Variants in SLC20A1 observed in about 807,000 individuals in gnomAD.
The protein encoded by SLC20A1 is solute carrier family 20 member 1.
Under a neutral mutation model 62.7 loss-of-function variants are expected in SLC20A1, and 28 were observed. That is an observed-to-expected ratio of 0.45 (90% CI 0.33 to 0.61). SLC20A1 has a LOEUF of 0.61. Among genes scored for constraint, SLC20A1 ranks in the 20% least tolerant of loss-of-function variants. The pLI, the probability that SLC20A1 is intolerant of heterozygous loss-of-function variation, is 0.02. For missense variants in SLC20A1, 673 were observed against 838.6 expected (o/e 0.80, Z 2.44); for synonymous variants, 305 against 302.9 (o/e 1.01, Z -0.07).
intron 7 of SLC20A1, 47 bp from the exon 8 acceptor site, chr2:112,659,157 G>T: frequency 6.2e-7 from 1 of 1,605,530 alleles, no homozygotes; most frequent in Non-Finnish European, 8.5e-7. Context: ...TATTGTTTTG[G>T]ATTTGATGCT....
chr2:112,656,467 C>T (rs1022436261), intron 5 of SLC20A1, among the ~76,000 whole-genome samples: 2 of 152,154 alleles, frequency 1.3e-5, no homozygotes, highest in African/African-American at 4.8e-5. Flanking sequence ...TCCCAAAGTG[C>T]TGGGATTACA....
At chr2:112,658,268 C>T (rs1273760086) in intron 6 of SLC20A1, 1 of 152,608 alleles carries the variant, frequency 6.6e-6, no homozygotes, top group Non-Finnish European at 1.5e-5. Flanking sequence ...ATACTCTGGT[C>T]TGCCTGTGGG....
intron 5 of SLC20A1, among the ~76,000 whole-genome samples, chr2:112,656,873 G>A (rs1016899090): frequency 2.6e-5 from 4 of 152,230 alleles, no homozygotes; most frequent in African/African-American, 9.6e-5. Context: ...ATGTTGAGAA[G>A]CATAGGAACT....
At chr2:112,654,058 C>T (rs1374385072) in intron 5 of SLC20A1, among the ~76,000 whole-genome samples, 4 of 152,146 alleles carry the variant, frequency 2.6e-5, no homozygotes, top group African/African-American at 9.7e-5. Flanking sequence ...TCCCAAAGTG[C>T]TGGGATTACA....
In SLC20A1 at chr2:112,663,046, T is replaced by G; in HGVS notation, c.*21T>G. ...TGTGAAGCTGTTTGAGATTAAAATT[T>G]GTGTCAATGTTTGGGACCATCTTAG... is the stretch of plus-strand genomic sequence containing the variant. On this transcript the variant is annotated 3_prime_UTR_variant, in exon 11 of 11. Coordinates refer to ENST00000272542, the MANE Select transcript of SLC20A1 (RefSeq NM_005415.5). 6.2e-7 allele frequency: 1 copy of G among 1,613,552 alleles called. No homozygotes were observed. Among genetic ancestry groups the G allele is most frequent in the Non-Finnish European group, 8.5e-7 (1 of 1,179,556 alleles).
At chr2:112,652,484 A>G (rs1018781870) in intron 4 of SLC20A1, 4 of 574,282 alleles carry the variant, frequency 7.0e-6, no homozygotes, top group Non-Finnish European at 1.2e-5. Flanking sequence ...TAGTCTTGTT[A>G]TTAAAAGAAA....
At chr2:112,658,634 T>C in intron 6 of SLC20A1, 191 bp from the exon 7 acceptor site, 2 of 640,624 alleles carry the variant, frequency 3.1e-6, no homozygotes, top group South Asian at 2.3e-5. Context: ...GTGTTCTGCA[T>C]TGCTGGTTGT....
In SLC20A1 at chr2:112,661,767, A is replaced by C. The variant is rs139612859; in HGVS notation, c.1878+541A>C. 2.9e-3 allele frequency among the ~76,000 whole-genome samples: 445 copies of C among 152,222 alleles called. 2 individuals carry two copies. The highest frequency in any genetic ancestry group is 9.8e-3 in the African/African-American group (406 of 41,536). ...TTTCACCATGTTGGCCAAGCTGGTC[A>C]TGAACTCCTAACCTCAGGTGATCCA... On this transcript the variant is annotated intron_variant, in intron 10 of 10. Coordinates refer to ENST00000272542, the MANE Select transcript of SLC20A1 (RefSeq NM_005415.5).
In SLC20A1 at chr2:112,647,547, A is replaced by G; in HGVS notation, c.475+83A>G. 6 of 1,580,542 alleles carry G rather than the reference A, an allele frequency of 3.8e-6. 1 individual carries two copies. In the Middle Eastern group the frequency reaches 1.0e-3, roughly 265 times the overall value. On this transcript the variant is annotated intron_variant, in intron 3 of 10. Transcript: ENST00000272542. The stretch of plus-strand genomic sequence containing the variant: ...ATTAGGTATGGGAGGATGTGTTCTA[A>G]CGTCGAGGGACAGACCCAAGAATTT...
Position 112,662,853 on chromosome 2 carries a change from T to G in SLC20A1, c.1879-11T>G, listed in dbSNP as rs1686788756. ...TCAATAACCTGTTTCCTTGGTCTGC[T>G]TCTCTTCTAGGTGGGCTCTGTTGTG... On this transcript the variant is annotated splice_polypyrimidine_tract_variant and intron_variant, in intron 10 of 10. Transcript: ENST00000272542. 1.2e-6 allele frequency: 2 copies of G among 1,612,910 alleles called. No individual in the cohort carries two copies. The highest frequency in any genetic ancestry group is 1.7e-6 in the Non-Finnish European group (2 of 1,179,714).
At chr2:112,662,541 C>G (rs1686779949) in intron 10 of SLC20A1, among the ~76,000 whole-genome samples, 1 of 152,224 alleles carries the variant, frequency 6.6e-6, no homozygotes, top group African/African-American at 2.4e-5. Flanking sequence ...GATTGCGCCA[C>G]TGTACTCCAG....
At chr2:112,654,427 G>T (rs977795469) in intron 5 of SLC20A1, among the ~76,000 whole-genome samples, 1 of 152,142 alleles carries the variant, frequency 6.6e-6, no homozygotes, top group Non-Finnish European at 1.5e-5. Context: ...AGATATTTTC[G>T]TTGTGTCCTT....
chr2:112,650,794 T>C (rs1686413475), intron 4 of SLC20A1, among the ~76,000 whole-genome samples: 2 of 152,062 alleles, frequency 1.3e-5, no homozygotes, highest in Admixed American at 6.5e-5. Flanking sequence ...TGGCTAACTT[T>C]TTATATTTTA....
rs774798698 is a variant in SLC20A1, at chr2:112,659,254, A to G, written c.1099A>G (p.Ser367Gly). 6.2e-7 allele frequency: 1 copy of G among 1,614,200 alleles called. No homozygotes were observed. The highest frequency in any genetic ancestry group is 1.1e-5 in the South Asian group (1 of 91,084). The change falls in exon 8 of 11, where the codon AGC becomes GGC. Residue 367 changes from serine (S) to glycine (G), a missense_variant. Transcript: ENST00000272542. ...GNLVQFSQAVSNQINSSGHYQ... is the reference protein window; with the variant it reads ...GNLVQFSQAVGNQINSSGHYQ... ...CCTTGTCCAGTTCAGTCAAGCCGTC[A>G]GCAACCAAATAAACTCCAGTGGCCA...
chr2:112,650,301 G>A (rs1422413886), intron 4 of SLC20A1, among the ~76,000 whole-genome samples: 8 of 151,402 alleles, frequency 5.3e-5, no homozygotes, highest in African/African-American at 1.9e-4. Context: ...GAAATTTTTG[G>A]GGGTGGGAGT....
At chr2:112,657,036 C>T in intron 5 of SLC20A1, 86 bp from the exon 6 acceptor site, 6 of 1,515,188 alleles carry the variant, frequency 4.0e-6, no homozygotes, top group Non-Finnish European at 5.5e-6. Flanking sequence ...GTATGGGGAA[C>T]CCCTCAGTCC....
chr2:112,655,401 C>T (rs1686556997), intron 5 of SLC20A1, among the ~76,000 whole-genome samples: 1 of 151,962 alleles, frequency 6.6e-6, no homozygotes, highest in South Asian at 2.1e-4. Flanking sequence ...GGTACATAAC[C>T]TCATTGTAAG....
chr2:112,649,067 G>A (rs766511289), intron 4 of SLC20A1, among the ~76,000 whole-genome samples: 30 of 152,188 alleles, frequency 2.0e-4, no homozygotes, highest in South Asian at 8.3e-4. Context: ...TTTTGTTTTT[G>A]GAGAGGGTTT....
chr2:112,653,509 A>G (rs1191552682), intron 5 of SLC20A1, among the ~76,000 whole-genome samples: 1 of 152,232 alleles, frequency 6.6e-6, no homozygotes, highest in African/African-American at 2.4e-5. Context: ...CTGTGACTAC[A>G]TAGGCAGTGA....
Sources: allele counts gnomAD v4.1 joint callset (sites outside exome capture counted in the v4.1 genomes callset), GRCh38; gene constraint gnomAD v4.1.1; transcripts MANE v1.5; gene names NCBI Gene and HGNC (gene_info 2026-07-23, HGNC 2026-07-21).